Variants in CTNNBL1 observed in about 807,000 individuals in gnomAD.
CTNNBL1 encodes the protein beta-catenin-like protein 1.
In CTNNBL1, 31 loss-of-function variants were observed where a neutral mutation model predicts 72.7. The observed-to-expected ratio is 0.43, with a 90% CI of 0.32 to 0.58. The LOEUF (loss-of-function observed/expected upper bound fraction) is 0.58, where lower values mean the gene tolerates loss of function less well. CTNNBL1 is among the 20% of genes least tolerant of loss of function. The probability of loss-of-function intolerance (pLI) is 0.08; values close to 1 mark genes in which losing one functional copy is unlikely to be tolerated. For synonymous variants in CTNNBL1, 240 were observed against 267.3 expected, an observed-to-expected ratio of 0.90 and a Z score of 1.00; for missense variants, 534 against 725.1, an observed-to-expected ratio of 0.74 and a Z score of 3.03.
At chr20:37,703,527 A>T (rs1477640061) in intron 1 of CTNNBL1, among the ~76,000 whole-genome samples, 1 of 152,170 alleles carries the variant, frequency 6.6e-6, no homozygotes, top group Non-Finnish European at 1.5e-5. Flanking sequence ...TTTTAGAAGA[A>T]CTCATTCATT....
At chr20:37,728,400 G>A (rs1445295402) in intron 1 of CTNNBL1, among the ~76,000 whole-genome samples, 2 of 152,116 alleles carry the variant, frequency 1.3e-5, no homozygotes, top group African/African-American at 2.4e-5. Flanking sequence ...TCTGTGGCCT[G>A]TACTATATTT....
At chr20:37,843,161 G>T (rs941117264) in intron 13 of CTNNBL1, among the ~76,000 whole-genome samples, 22 of 152,078 alleles carry the variant, frequency 1.4e-4, no homozygotes, top group Admixed American at 1.3e-3. Flanking sequence ...ATTTGTATTC[G>T]CTCCCCTACA....
intron 1 of CTNNBL1, among the ~76,000 whole-genome samples, chr20:37,719,998 C>T (rs1207134600): frequency 6.6e-6 from 1 of 150,910 alleles, no homozygotes; most frequent in Non-Finnish European, 1.5e-5. Flanking sequence ...GTGCGTGTAT[C>T]ACTGCGCCTG....
At chr20:37,846,718 C>T (rs2122828751) in intron 13 of CTNNBL1, among the ~76,000 whole-genome samples, 1 of 152,268 alleles carries the variant, frequency 6.6e-6, no homozygotes, top group South Asian at 2.1e-4. Flanking sequence ...TCTCCAACCT[C>T]TTCTCCTGCC....
chr20:37,816,512 T>C (rs1385382158), intron 11 of CTNNBL1, among the ~76,000 whole-genome samples: 1 of 152,202 alleles, frequency 6.6e-6, no homozygotes, highest in Non-Finnish European at 1.5e-5. Context: ...ACCTTTAAAA[T>C]GGAGACAATG....
At chr20:37,870,553 C>A in intron 15 of CTNNBL1, among the ~76,000 whole-genome samples, 1 of 152,194 alleles carries the variant, frequency 6.6e-6, no homozygotes, top group Non-Finnish European at 1.5e-5. Flanking sequence ...ATTGGAGCCA[C>A]CCTCAGAAAA....
intron 13 of CTNNBL1, among the ~76,000 whole-genome samples, chr20:37,842,960 T>G (rs1031080716): frequency 6.6e-6 from 1 of 152,204 alleles, no homozygotes; most frequent in Admixed American, 6.5e-5. Context: ...TGTTTTCTCA[T>G]GTTGATTGTT....
At chr20:37,773,395 G>A (rs1385214887) in intron 7 of CTNNBL1, among the ~76,000 whole-genome samples, 1 of 152,198 alleles carries the variant, frequency 6.6e-6, no homozygotes, top group Non-Finnish European at 1.5e-5. Context: ...AAGGTGAAGT[G>A]TAATTTTATT....
intron 15 of CTNNBL1, among the ~76,000 whole-genome samples, chr20:37,866,320 C>CG (rs1362123292): frequency 6.6e-6 from 1 of 152,152 alleles, no homozygotes; most frequent in Non-Finnish European, 1.5e-5. Flanking sequence ...ATGCAGGGGT[C>CG]GGGGGGAACC....
Position 37,840,092 on chromosome 20 carries a change from C to G in CTNNBL1, c.1214-10C>G. 3 of 1,607,454 alleles carry G rather than the reference C, an allele frequency of 1.9e-6. No homozygotes were observed. The highest frequency in any genetic ancestry group is 2.6e-6 in the Non-Finnish European group (3 of 1,174,114). The stretch of plus-strand genomic sequence containing the variant: ...TCTCAGCATGTTCTCTTTTCTCTTT[C>G]CCAACCCAGAGCATGTCTGTTCGAT... On this transcript the variant is annotated splice_polypyrimidine_tract_variant and intron_variant, in intron 11 of 15. Coordinates refer to ENST00000361383, the MANE Select transcript of CTNNBL1 (RefSeq NM_030877.5).
chr20:37,709,960 A>C (rs959298995), intron 1 of CTNNBL1, among the ~76,000 whole-genome samples: 13 of 152,340 alleles, frequency 8.5e-5, no homozygotes, highest in Non-Finnish European at 1.8e-4. Flanking sequence ...ACATGGGTAA[A>C]CCAGAGAGCC....
chr20:37,730,597 G>T (rs1003951211), intron 1 of CTNNBL1, among the ~76,000 whole-genome samples: 1 of 152,208 alleles, frequency 6.6e-6, no homozygotes, highest in Non-Finnish European at 1.5e-5. Context: ...TGTCTCTTCA[G>T]CTCTGAAGCC....
Position 37,777,648 on chromosome 20 carries a change from C to G in CTNNBL1, c.824-6C>G. The G allele has an allele frequency of 6.2e-7, 1 of 1,613,320 alleles. No individual in the cohort carries two copies. Among genetic ancestry groups the G allele is most frequent in the African/African-American group, 1.3e-5 (1 of 74,966 alleles). ...TTTTTTCTTCCTCTATTTTTTTCCC[C>G]TTTAGAAAACAGGGAATTGCTTGGG... On this transcript the variant is annotated splice_region_variant and splice_polypyrimidine_tract_variant and intron_variant, in intron 8 of 15. Coordinates refer to ENST00000361383, the MANE Select transcript of CTNNBL1 (RefSeq NM_030877.5).
At chr20:37,719,991 C>T (rs193230949) in intron 1 of CTNNBL1, among the ~76,000 whole-genome samples, 33 of 148,166 alleles carry the variant, frequency 2.2e-4, no homozygotes, top group African/African-American at 8.0e-4. Flanking sequence ...CAGGCATGTG[C>T]GTGTATCACT....
intron 10 of CTNNBL1, among the ~76,000 whole-genome samples, chr20:37,791,751 C>T (rs1018662777): frequency 2.6e-5 from 4 of 152,240 alleles, no homozygotes; most frequent in East Asian, 1.9e-4. Flanking sequence ...ACTGCGCGTG[C>T]GAGCGATCTA....
chr20:37,845,362 C>T (rs552901744), intron 13 of CTNNBL1, among the ~76,000 whole-genome samples: 8 of 152,306 alleles, frequency 5.3e-5, no homozygotes, highest in South Asian at 4.1e-4. Context: ...TTAGCACTGA[C>T]GGAGAGTAAT....
chr20:37,859,138 G>A (rs1375946855), intron 13 of CTNNBL1, among the ~76,000 whole-genome samples: 3 of 152,078 alleles, frequency 2.0e-5, no homozygotes, highest in Non-Finnish European at 4.4e-5. Flanking sequence ...ACTTTGGGAG[G>A]CCAAGGTCAG....
intron 10 of CTNNBL1, among the ~76,000 whole-genome samples, chr20:37,792,859 T>A (rs1002706125): frequency 6.6e-6 from 1 of 152,236 alleles, no homozygotes; most frequent in African/African-American, 2.4e-5. Flanking sequence ...TTTATTCAAT[T>A]CAAAATATTA....
intron 11 of CTNNBL1, among the ~76,000 whole-genome samples, chr20:37,818,752 AAATG>A (rs1291419794): frequency 1.3e-5 from 2 of 152,326 alleles, no homozygotes; most frequent in African/African-American, 4.8e-5. Context: ...GCACCAGAGA[AAATG>A]AATGTGAATA....
Sources: gnomAD v4.1 joint callset for allele counts (sites outside exome capture counted in the v4.1 genomes callset) on GRCh38, gnomAD v4.1.1 for gene constraint, MANE v1.5 for transcripts, NCBI Gene and HGNC (gene_info 2026-07-23, HGNC 2026-07-21) for gene names.